Variants in PRLR observed in about 807,000 individuals in gnomAD.
PRLR encodes the protein hPRL receptor.
A neutral mutation model predicts 40.2 loss-of-function variants in PRLR; 13 were observed. That is an observed-to-expected ratio of 0.32 (90% CI 0.21 to 0.51). The LOEUF is 0.51. Among genes scored for constraint, PRLR ranks in the 20% least tolerant of loss-of-function variants. The pLI, the probability that PRLR is intolerant of heterozygous loss-of-function variation, is 0.97. For synonymous variants in PRLR, 269 were observed against 278.7 expected (o/e 0.97, Z 0.35); for missense variants, 656 against 747.3 (o/e 0.88, Z 1.42).
At chr5:35,168,460 T>C (rs921270294) in intron 1 of PRLR, among the ~76,000 whole-genome samples, 1 of 152,050 alleles carries the variant, frequency 6.6e-6, no homozygotes, top group Non-Finnish European at 1.5e-5. Context: ...AATCATAACA[T>C]TGTTTCAGCA....
chr5:35,082,054 C>T (rs924094930), intron 5 of PRLR: 12 of 153,358 alleles, frequency 7.8e-5, no homozygotes, highest in African/African-American at 2.7e-4. Context: ...GTGAGACCCT[C>T]AGCTGCTGGC....
At chr5:35,218,787 A>AT (rs926610261) in intron 1 of PRLR, among the ~76,000 whole-genome samples, 99 of 148,256 alleles carry the variant, frequency 6.7e-4, no homozygotes, top group Admixed American at 2.6e-3. Context: ...TCTTTTTTTA[A>AT]TTTTTTTTTT....
intron 1 of PRLR, among the ~76,000 whole-genome samples, chr5:35,220,953 A>T (rs1776401260): frequency 6.6e-6 from 1 of 152,234 alleles, no homozygotes; most frequent in African/African-American, 2.4e-5. Context: ...TGATTCCAGA[A>T]TCATTCTCAA....
intron 9 of PRLR, among the ~76,000 whole-genome samples, chr5:35,066,663 A>T (rs1579563759): frequency 7.6e-6 from 1 of 131,148 alleles, no homozygotes; most frequent in African/African-American, 2.9e-5. Context: ...CCCCTTCATC[A>T]CCCTATTCCA....
chr5:35,075,300 A>T (rs1306461908), intron 5 of PRLR, among the ~76,000 whole-genome samples: 3 of 152,222 alleles, frequency 2.0e-5, no homozygotes, highest in Non-Finnish European at 4.4e-5. Flanking sequence ...AAGGGAAGCC[A>T]TGACAGATGG....
rs764395718 is a variant in PRLR at position 35,158,756 on chromosome 5, C to T, written c.-105-40634G>A. ...GAGACAATCTCTTTCCTTCTGGGAC[C>T]GTGAGCTGCAAGGAACTTAGGAGCC... On this transcript the variant is annotated intron_variant, in intron 1 of 9. Transcript: ENST00000618457. 3.3e-5 allele frequency among the ~76,000 whole-genome samples: 5 copies of T among 151,998 alleles called. No individual in the cohort carries two copies. In the East Asian group the frequency reaches 5.8e-4, roughly 18 times the overall value.
chr5:35,140,207 A>G (rs902823225), intron 1 of PRLR, among the ~76,000 whole-genome samples: 5 of 152,198 alleles, frequency 3.3e-5, no homozygotes, highest in Non-Finnish European at 5.9e-5. Flanking sequence ...AACTGACTTG[A>G]TTTGATTATT....
intron 1 of PRLR, among the ~76,000 whole-genome samples, chr5:35,181,351 A>G (rs1268406913): frequency 6.6e-6 from 1 of 152,232 alleles, no homozygotes; most frequent in African/African-American, 2.4e-5. Flanking sequence ...CACATGTTGC[A>G]GGTGAAGTAA....
At chr5:35,076,581 A>G (rs1334844616) in intron 5 of PRLR, among the ~76,000 whole-genome samples, 1 of 152,240 alleles carries the variant, frequency 6.6e-6, no homozygotes, top group African/African-American at 2.4e-5. Flanking sequence ...GGTGTACCTG[A>G]AAGTGACAGG....
chr5:35,125,557 A>T (rs145059374), intron 1 of PRLR, among the ~76,000 whole-genome samples: 1 of 152,242 alleles, frequency 6.6e-6, no homozygotes, highest in East Asian at 1.9e-4. Flanking sequence ...TTAAAATGTT[A>T]TCTTTGTCCT....
At chr5:35,154,824 C>A (rs1485086065) in intron 1 of PRLR, among the ~76,000 whole-genome samples, 1 of 152,130 alleles carries the variant, frequency 6.6e-6, no homozygotes, top group Non-Finnish European at 1.5e-5. Context: ...AAAACGAGAT[C>A]ATGTCTTCTT....
intron 1 of PRLR, among the ~76,000 whole-genome samples, chr5:35,220,061 G>A (rs757048937): frequency 2.0e-5 from 3 of 152,018 alleles, no homozygotes; most frequent in Non-Finnish European, 4.4e-5. Context: ...TTGTACTTCC[G>A]ATCAGCCTCC....
At chr5:35,163,683 T>C (rs1009471808) in intron 1 of PRLR, among the ~76,000 whole-genome samples, 9 of 152,248 alleles carry the variant, frequency 5.9e-5, no homozygotes, top group Admixed American at 5.2e-4. Context: ...AAATTGTACA[T>C]GTAAATTGAA....
intron 3 of PRLR, among the ~76,000 whole-genome samples, chr5:35,087,237 A>G (rs1338284140): frequency 2.0e-5 from 3 of 151,964 alleles, no homozygotes; most frequent in Non-Finnish European, 2.9e-5. Flanking sequence ...TGCTCTGCCC[A>G]CCTTGGCCTC....
At chr5:35,052,811 G>A (rs995250922), downstream of PRLR, among the ~76,000 whole-genome samples, 36 of 152,278 alleles carry the variant, frequency 2.4e-4, no homozygotes, top group African/African-American at 8.4e-4. Context: ...TAGACAGACA[G>A]GCCTTGCTAG....
chr5:35,074,248 G>A (rs1769925376), intron 5 of PRLR, among the ~76,000 whole-genome samples: 1 of 151,894 alleles, frequency 6.6e-6, no homozygotes, highest in Admixed American at 6.6e-5. Flanking sequence ...ATCACCTGAG[G>A]TCAGGAGTTT....
chr5:35,177,029 G>A (rs1775168033), intron 1 of PRLR, among the ~76,000 whole-genome samples: 1 of 152,158 alleles, frequency 6.6e-6, no homozygotes, highest in Non-Finnish European at 1.5e-5. Flanking sequence ...ATGTTTATGT[G>A]TATGCATATC....
chr5:35,203,676 A>T (rs908809488), intron 1 of PRLR, among the ~76,000 whole-genome samples: 4 of 152,184 alleles, frequency 2.6e-5, no homozygotes, highest in Non-Finnish European at 5.9e-5. Context: ...TTTGCTAGTA[A>T]CTTGTCAAAC....
At chr5:35,055,593 A>G (rs894355879), downstream of PRLR, 2 of 152,180 alleles carry the variant, frequency 1.3e-5, no homozygotes, top group African/African-American at 4.8e-5. Context: ...TCTTTAAAAA[A>G]ATCTATTCTA....
Sources: gnomAD v4.1 joint callset for allele counts (sites outside exome capture counted in the v4.1 genomes callset) on GRCh38, gnomAD v4.1.1 for gene constraint, MANE v1.5 for transcripts, NCBI Gene and HGNC (gene_info 2026-07-23, HGNC 2026-07-21) for gene names.